Variants in ARHGAP22 observed in about 807,000 individuals in gnomAD.
ARHGAP22 encodes the protein Rho GTPase activating protein 22.
A neutral mutation model predicts 59.1 loss-of-function variants in ARHGAP22; 48 were observed. The ratio of observed to expected loss-of-function variants is 0.81; its 90% confidence interval spans 0.64 to 1.03. The LOEUF is 1.03. Among genes scored for constraint, ARHGAP22 ranks in the 50% least tolerant of loss-of-function variants. ARHGAP22 has a pLI of 0.00. For missense variants in ARHGAP22, 1,015 were observed against 958.7 expected (o/e 1.06, Z -0.78); for synonymous variants, 445 against 416.4 (o/e 1.07, Z -0.84).
At chr10:48,558,712 G>T (rs1447006500) in intron 2 of ARHGAP22, among the ~76,000 whole-genome samples, 8 of 152,090 alleles carry the variant, frequency 5.3e-5, no homozygotes, top group Non-Finnish European at 7.4e-5. Context: ...AATAGTGCTG[G>T]ACCCCACCCT....
chr10:48,620,630 G>A (rs565140631), intron 1 of ARHGAP22, among the ~76,000 whole-genome samples: 4 of 152,264 alleles, frequency 2.6e-5, no homozygotes, highest in East Asian at 1.9e-4. Context: ...ACCTTGTACT[G>A]CTCAGGAGCC....
intron 1 of ARHGAP22, among the ~76,000 whole-genome samples, chr10:48,649,782 G>A (rs1228839579): frequency 6.6e-6 from 1 of 152,176 alleles, no homozygotes; most frequent in Non-Finnish European, 1.5e-5. Flanking sequence ...CAAGTGAGAG[G>A]CCAAGAGGCT....
rs114349210 is a variant in ARHGAP22 at position 48,481,413 on chromosome 10, A to C, written c.323-1649T>G. Reference sequence around the variant, plus strand: ...AAATATCTCAAGATGACTTGGAAAAAAAAAAGGAACCTGGAGATCCACAGC... The same window carrying C: ...AAATATCTCAAGATGACTTGGAAAACAAAAAGGAACCTGGAGATCCACAGC... On this transcript the variant is annotated intron_variant, in intron 3 of 9. Coordinates refer to ENST00000249601, the MANE Select transcript of ARHGAP22 (RefSeq NM_021226.4). Among the ~76,000 whole-genome samples, 1,289 of 152,282 alleles carry C rather than the reference A, an allele frequency of 8.5e-3. 20 individuals carry two copies. The highest frequency in any genetic ancestry group is 0.03 in the African/African-American group (1,239 of 41,562).
chr10:48,646,882 T>C (rs2062324770), intron 1 of ARHGAP22, among the ~76,000 whole-genome samples: 1 of 152,140 alleles, frequency 6.6e-6, no homozygotes, highest in Non-Finnish European at 1.5e-5. Flanking sequence ...ATAGAAAAAC[T>C]GAACTTCGAC....
intron 3 of ARHGAP22, among the ~76,000 whole-genome samples, chr10:48,530,259 A>T (rs1355786724): frequency 6.6e-6 from 1 of 150,482 alleles, no homozygotes; most frequent in African/African-American, 2.5e-5. Flanking sequence ...AAAAAAAAAA[A>T]AATCAACTCA....
chr10:48,576,153 A>G (rs1223094532), intron 2 of ARHGAP22, among the ~76,000 whole-genome samples: 2 of 152,192 alleles, frequency 1.3e-5, no homozygotes, highest in East Asian at 1.9e-4. Context: ...GTCAGAGACT[A>G]TGGGCTCCCC....
intron 1 of ARHGAP22, among the ~76,000 whole-genome samples, chr10:48,649,164 C>T (rs1230732631): frequency 6.6e-6 from 1 of 152,210 alleles, no homozygotes; most frequent in Non-Finnish European, 1.5e-5. Context: ...ATATGGCATC[C>T]ACCTACCATT....
At chr10:48,508,074 G>T (rs1428029479) in intron 3 of ARHGAP22, among the ~76,000 whole-genome samples, 2 of 152,146 alleles carry the variant, frequency 1.3e-5, no homozygotes, top group Non-Finnish European at 2.9e-5. Flanking sequence ...AAGTGTCAGG[G>T]CTCAAAGGCT....
At chr10:48,460,444 C>T (rs967460155) in intron 4 of ARHGAP22, among the ~76,000 whole-genome samples, 1 of 152,192 alleles carries the variant, frequency 6.6e-6, no homozygotes, top group African/African-American at 2.4e-5. Flanking sequence ...ACCTCACACC[C>T]ACTAGGATGG....
At chr10:48,586,597 G>T (rs187035090) in intron 1 of ARHGAP22, among the ~76,000 whole-genome samples, 56 of 152,284 alleles carry the variant, frequency 3.7e-4, no homozygotes, top group African/African-American at 1.3e-3. Flanking sequence ...GATGGCATTT[G>T]GCTGTATTAC....
intron 1 of ARHGAP22, among the ~76,000 whole-genome samples, chr10:48,585,415 C>T (rs2059372655): frequency 6.6e-6 from 1 of 152,188 alleles, no homozygotes; most frequent in South Asian, 2.1e-4. Context: ...TTTTCTCATT[C>T]CTTTGACTCT....
chr10:48,595,794 A>G (rs1300854614), intron 1 of ARHGAP22, among the ~76,000 whole-genome samples: 1 of 152,090 alleles, frequency 6.6e-6, no homozygotes, highest in Non-Finnish European at 1.5e-5. Flanking sequence ...TACAGGCATG[A>G]GCTACTACAC....
At chr10:48,653,731 T>C (rs1422005468), upstream of ARHGAP22, among the ~76,000 whole-genome samples, 1 of 151,416 alleles carries the variant, frequency 6.6e-6, no homozygotes, top group Non-Finnish European at 1.5e-5. Flanking sequence ...CAGAGAGGAG[T>C]GAGAGGAAGC....
rs143238028 is a variant in ARHGAP22, at chr10:48,483,570, A to ATT, written c.323-3808_323-3807dup. On this transcript the variant is annotated intron_variant, in intron 3 of 9. Transcript: ENST00000249601. ...TTTTTCAGTATCTTCTCCAGTGTCT[A>ATT]TTTTTTTTGTGTTTTTTATAATAGG... is the stretch of plus-strand genomic sequence containing the variant. Among the ~76,000 whole-genome samples the ATT allele has an allele frequency of 3.1e-3, 471 of 151,696 alleles. 2 individuals carry two copies. Among genetic ancestry groups the ATT allele is most frequent in the African/African-American group, 0.011 (458 of 41,384 alleles).
At chr10:48,637,776 A>G (rs2061883005) in intron 1 of ARHGAP22, among the ~76,000 whole-genome samples, 1 of 152,148 alleles carries the variant, frequency 6.6e-6, no homozygotes, top group Non-Finnish European at 1.5e-5. Flanking sequence ...AAGGGTCAGT[A>G]AGAAAAGGCA....
At chr10:48,434,080 A>G in the ARHGAP22 span, among the ~76,000 whole-genome samples, 1 of 152,186 alleles carries the variant, frequency 6.6e-6, no homozygotes, top group African/African-American at 2.4e-5. Flanking sequence ...AATCCCCTTG[A>G]GAGGATTTCT....
At chr10:48,527,717 A>G (rs1309759062) in intron 3 of ARHGAP22, among the ~76,000 whole-genome samples, 1 of 152,208 alleles carries the variant, frequency 6.6e-6, no homozygotes, top group Non-Finnish European at 1.5e-5. Flanking sequence ...TTCTGAACAT[A>G]GCTCTGCCAC....
intron 3 of ARHGAP22, among the ~76,000 whole-genome samples, chr10:48,483,251 G>A (rs983717884): frequency 5.3e-5 from 8 of 152,054 alleles, no homozygotes; most frequent in Non-Finnish European, 1.2e-4. Context: ...GTACATTAAC[G>A]TATTTATGCC....
intron 3 of ARHGAP22, among the ~76,000 whole-genome samples, chr10:48,517,202 CT>C (rs1180854571): frequency 2.6e-5 from 4 of 152,122 alleles, no homozygotes; most frequent in Non-Finnish European, 5.9e-5. Flanking sequence ...TTAAAAACTG[CT>C]GAATTATATA....
Sources: allele counts gnomAD v4.1 joint callset (sites outside exome capture counted in the v4.1 genomes callset), GRCh38; gene constraint gnomAD v4.1.1; transcripts MANE v1.5; gene names NCBI Gene and HGNC (gene_info 2026-07-23, HGNC 2026-07-21).